Variants in ZFAT observed in about 807,000 individuals in gnomAD.
ZFAT encodes the protein zinc finger protein ZFAT.
In ZFAT, 64 loss-of-function variants were observed where a neutral mutation model predicts 117.7. That is an observed-to-expected ratio of 0.54 (90% confidence interval 0.44 to 0.67). The LOEUF (loss-of-function observed/expected upper bound fraction) is 0.67. ZFAT is among the 30% of genes least tolerant of loss of function. The pLI, the probability that ZFAT is intolerant of heterozygous loss-of-function variation, is 0.00. For synonymous variants in ZFAT, 679 were observed against 615.0 expected (o/e 1.10, Z -1.54); for missense variants, 1,433 against 1,584.5 (o/e 0.90, Z 1.62).
At chr8:134,656,386 C>T (rs1239335010) in intron 2 of ZFAT, among the ~76,000 whole-genome samples, 2 of 152,286 alleles carry the variant, frequency 1.3e-5, no homozygotes, top group African/African-American at 2.4e-5. Flanking sequence ...TATTAGCTGA[C>T]GGTGATGACA....
At chr8:134,657,488 C>T in intron 2 of ZFAT, 73 bp downstream of exon 2, 14 of 1,409,214 alleles carry the variant, frequency 9.9e-6, no homozygotes, top group Non-Finnish European at 1.2e-5. Context: ...TAGGCTTCTG[C>T]TATGCCCACG....
At chr8:134,740,391 A>G in the ZFAT span, among the ~76,000 whole-genome samples, 1 of 152,224 alleles carries the variant, frequency 6.6e-6, no homozygotes, top group East Asian at 1.9e-4. Flanking sequence ...TGGTCCTGGA[A>G]CAAATGCTGG....
chr8:134,601,770 G>A lies in ZFAT; in HGVS notation c.1949C>T (p.Ala650Val). Reference sequence around the variant, plus strand: ...CTGCCCTTCCCCTAGGGGGCTCTGGGCGCCATGGCTTTCCTGATCTGACCC... The same window carrying A: ...CTGCCCTTCCCCTAGGGGGCTCTGGACGCCATGGCTTTCCTGATCTGACCC... ...SAGSDQESHG[A>V]QSPLGEGQNM... Residue 650 changes from alanine to valine, a missense_variant, in exon 6 of 16, where the codon GCC (alanine) becomes GTC (valine). Around this residue, in one of 5 missense-constraint regions of ZFAT, gnomAD observed 372 missense variants for 355.6 expected, o/e 1.05. Coordinates refer to ENST00000377838, the MANE Select transcript of ZFAT (RefSeq NM_020863.4). The A allele has an allele frequency of 6.2e-7, 1 of 1,613,892 alleles. No homozygotes were observed. The highest frequency in any genetic ancestry group is 8.5e-7 in the Non-Finnish European group (1 of 1,179,952).
intron 3 of ZFAT, among the ~76,000 whole-genome samples, chr8:134,632,068 G>A (rs1829928386): frequency 2.6e-5 from 4 of 151,964 alleles, no homozygotes; most frequent in Admixed American, 2.6e-4. Flanking sequence ...GTTGACCCTT[G>A]AACAACATGG....
At chr8:134,803,239 C>T in the ZFAT span, among the ~76,000 whole-genome samples, 1 of 152,142 alleles carries the variant, frequency 6.6e-6, no homozygotes, top group Non-Finnish European at 1.5e-5. Flanking sequence ...ATTATGCATC[C>T]ATCTTACTAA....
At chr8:134,671,318 C>A (rs1832551324) in intron 1 of ZFAT, among the ~76,000 whole-genome samples, 3 of 152,270 alleles carry the variant, frequency 2.0e-5, no homozygotes, top group Middle Eastern at 3.4e-3. Context: ...AATTTTAGAC[C>A]AATATCCCTG....
At chr8:134,601,056 G>A (rs997351488) in intron 6 of ZFAT, among the ~76,000 whole-genome samples, 2 of 152,166 alleles carry the variant, frequency 1.3e-5, no homozygotes, top group African/African-American at 4.8e-5. Context: ...AGTTCCAGGA[G>A]CCATGCTTTC....
At chr8:134,631,812 G>T (rs1390897083) in intron 3 of ZFAT, among the ~76,000 whole-genome samples, 1 of 152,180 alleles carries the variant, frequency 6.6e-6, no homozygotes, top group South Asian at 2.1e-4. Flanking sequence ...GTTGTGTAGG[G>T]TGTAGCCACT....
At chr8:134,807,765 T>G in the ZFAT span, among the ~76,000 whole-genome samples, 1 of 151,496 alleles carries the variant, frequency 6.6e-6, no homozygotes, top group Admixed American at 6.6e-5. Flanking sequence ...ACTCTATTCT[T>G]GTTTTCAATC....
chr8:134,618,407 G>T (rs1210406444), intron 3 of ZFAT, among the ~76,000 whole-genome samples: 1 of 152,064 alleles, frequency 6.6e-6, no homozygotes, highest in African/African-American at 2.4e-5. Context: ...AATGAGGCGG[G>T]GAGTCACACC....
intron 11 of ZFAT, among the ~76,000 whole-genome samples, chr8:134,537,819 G>A (rs997271806): frequency 6.6e-6 from 1 of 152,164 alleles, no homozygotes; most frequent in Non-Finnish European, 1.5e-5. Flanking sequence ...ATTTAAGAGA[G>A]GTGAAGAAGG....
chr8:134,565,158 A>G, intron 11 of ZFAT, 175 bp downstream of exon 11: 1 of 1,530,884 alleles, frequency 6.5e-7, no homozygotes, highest in Non-Finnish European at 8.7e-7. Flanking sequence ...CGCTTCTGGA[A>G]CGAGAGAGCA....
At chr8:134,683,302 T>C (rs1401978877) in intron 1 of ZFAT, among the ~76,000 whole-genome samples, 2 of 152,178 alleles carry the variant, frequency 1.3e-5, no homozygotes, top group Non-Finnish European at 2.9e-5. Context: ...GAGAAAGCTA[T>C]AACTTGCCTA....
At chr8:134,537,528 G>C (rs886750154) in intron 11 of ZFAT, among the ~76,000 whole-genome samples, 1 of 152,206 alleles carries the variant, frequency 6.6e-6, no homozygotes, top group African/African-American at 2.4e-5. Flanking sequence ...ACTTGGCAGG[G>C]GAGAAGACGA....
chr8:134,614,578 G>A (rs1028042158), intron 3 of ZFAT, among the ~76,000 whole-genome samples: 1 of 152,210 alleles, frequency 6.6e-6, no homozygotes, highest in Admixed American at 6.5e-5. Flanking sequence ...ACCTCTTGGA[G>A]GTTGGGTCCA....
At chr8:134,575,462 G>C (rs1825231652) in intron 10 of ZFAT, among the ~76,000 whole-genome samples, 1 of 152,222 alleles carries the variant, frequency 6.6e-6, no homozygotes, top group Non-Finnish European at 1.5e-5. Flanking sequence ...AGGATGCAGA[G>C]ACAGGTTCCC....
upstream of ZFAT, among the ~76,000 whole-genome samples, chr8:134,716,854 G>A (rs1400653782): frequency 6.6e-6 from 1 of 152,192 alleles, no homozygotes; most frequent in Non-Finnish European, 1.5e-5. Flanking sequence ...AGACAGGTTT[G>A]GTAGATATGG....
chr8:134,664,618 C>G (rs1832118273), intron 1 of ZFAT, among the ~76,000 whole-genome samples: 1 of 152,238 alleles, frequency 6.6e-6, no homozygotes, highest in Admixed American at 6.5e-5. Flanking sequence ...AGCGTATAAA[C>G]GGCAAAATGC....
chr8:134,748,407 C>G, the ZFAT span, among the ~76,000 whole-genome samples: 4 of 152,080 alleles, frequency 2.6e-5, no homozygotes, highest in African/African-American at 9.7e-5. Context: ...TTTTTTTCCT[C>G]AACATTTCAT....
Sources: allele counts gnomAD v4.1 joint callset (sites outside exome capture counted in the v4.1 genomes callset), GRCh38; gene constraint gnomAD v4.1.1; regional missense constraint gnomAD v4.1.1; transcripts MANE v1.5; gene names NCBI Gene and HGNC (gene_info 2026-07-23, HGNC 2026-07-21).